Variants in CCDC169 observed in about 807,000 individuals in gnomAD.
CCDC169 encodes the protein coiled-coil domain-containing protein 169.
A neutral mutation model predicts 36.0 loss-of-function variants in CCDC169; 30 were observed. The observed-to-expected ratio is 0.83, with a 90% CI of 0.62 to 1.13. CCDC169 has a LOEUF of 1.13. Among genes scored for constraint, CCDC169 ranks in the 50% most tolerant of loss-of-function variants. CCDC169 has a pLI of 0.00. For missense variants in CCDC169, 245 were observed against 245.9 expected (o/e 1.00, Z 0.03); for synonymous variants, 85 against 81.5 (o/e 1.04, Z -0.23).
chr13:36,287,913 A>G (rs1217989951), intron 2 of CCDC169, among the ~76,000 whole-genome samples: 1 of 152,218 alleles, frequency 6.6e-6, no homozygotes, highest in Non-Finnish European at 1.5e-5. Context: ...CAGAGTCATC[A>G]GCAAATACAT....
At chr13:36,237,148 T>C (rs1871186033) in intron 7 of CCDC169, among the ~76,000 whole-genome samples, 1 of 152,084 alleles carries the variant, frequency 6.6e-6, no homozygotes, top group Admixed American at 6.6e-5. Context: ...TTTGTGGATA[T>C]GGAAGGCTAT....
At chr13:36,266,226 C>T (rs1875287720) in intron 4 of CCDC169, among the ~76,000 whole-genome samples, 1 of 152,114 alleles carries the variant, frequency 6.6e-6, no homozygotes, top group Non-Finnish European at 1.5e-5. Context: ...AGATGCTGAA[C>T]AGCACCATTC....
downstream of CCDC169, chr13:36,227,460 A>G (rs1869962868): frequency 7.3e-7 from 1 of 1,364,892 alleles, no homozygotes; most frequent in South Asian, 2.1e-5. Context: ...TATTCCAACC[A>G]GTTTATTGTA....
At chr13:36,244,000 G>A (rs993156000) in intron 7 of CCDC169, among the ~76,000 whole-genome samples, 9 of 152,116 alleles carry the variant, frequency 5.9e-5, no homozygotes, top group Non-Finnish European at 1.0e-4. Flanking sequence ...TTTCATTTTC[G>A]AAATATTCCC....
chr13:36,279,794 T>A (rs959766487), intron 4 of CCDC169, among the ~76,000 whole-genome samples: 1 of 152,172 alleles, frequency 6.6e-6, no homozygotes, highest in Non-Finnish European at 1.5e-5. Flanking sequence ...AGCAGCAGGG[T>A]TGAATAGCTA....
intron 2 of CCDC169, among the ~76,000 whole-genome samples, chr13:36,294,705 C>T (rs911143827): frequency 2.6e-5 from 4 of 152,002 alleles, no homozygotes; most frequent in African/African-American, 9.7e-5. Flanking sequence ...AATTCCTGTC[C>T]CTCTTAAGGG....
intron 6 of CCDC169, among the ~76,000 whole-genome samples, chr13:36,250,482 G>A (rs189311712): frequency 3.9e-5 from 6 of 152,318 alleles, no homozygotes; most frequent in Admixed American, 2.6e-4. Context: ...GTGTGGCAGA[G>A]TTAGTTAAGA....
chr13:36,253,258 TA>T (rs1160033783), intron 6 of CCDC169, among the ~76,000 whole-genome samples: 2 of 152,200 alleles, frequency 1.3e-5, no homozygotes, highest in African/African-American at 4.8e-5. Flanking sequence ...TTCTAGTGAT[TA>T]GTGGTGAAAC....
At chr13:36,235,647 T>C (rs938145981) in intron 7 of CCDC169, among the ~76,000 whole-genome samples, 9 of 150,418 alleles carry the variant, frequency 6.0e-5, no homozygotes, top group East Asian at 5.9e-4. Context: ...GCAAGAAAAA[T>C]AGATAAAAGG....
At chr13:36,234,827 G>C (rs1164452585) in intron 7 of CCDC169, among the ~76,000 whole-genome samples, 1 of 152,036 alleles carries the variant, frequency 6.6e-6, no homozygotes, top group African/African-American at 2.4e-5. Flanking sequence ...AAAAATAGTA[G>C]AGACTTTTGT....
chr13:36,283,446 T>C lies in CCDC169; in HGVS notation c.315+23A>G, dbSNP rs200464340. 2,252 of 1,539,670 alleles carry C rather than the reference T, an allele frequency of 1.5e-3. 63 individuals are homozygous for C. The South Asian group carries it at 0.025, about 17-fold the overall frequency. On this transcript the variant is annotated intron_variant, in intron 4 of 7. Coordinates refer to ENST00000239859, the MANE Select transcript of CCDC169 (RefSeq NM_001144981.3). ...CATAATTTCCTTCAATTATTCTTTG[T>C]GTTTAATCACATTTCTACTCACCAC...
At chr13:36,254,266 T>C in intron 4 of CCDC169, 123 bp from the exon 5 acceptor site, 1 of 563,954 alleles carries the variant, frequency 1.8e-6, no homozygotes, top group Non-Finnish European at 2.8e-6. Flanking sequence ...CATAATTCTA[T>C]GATATGTACT....
chr13:36,269,188 C>CAT, intron 4 of CCDC169, among the ~76,000 whole-genome samples: 1 of 152,064 alleles, frequency 6.6e-6, no homozygotes, highest in East Asian at 1.9e-4. Flanking sequence ...TGGATAAGTT[C>CAT]TTGGAAACAT....
At chr13:36,281,125 C>T (rs558586952) in intron 4 of CCDC169, 19 of 352,094 alleles carry the variant, frequency 5.4e-5, no homozygotes, top group South Asian at 3.1e-4. Flanking sequence ...GCTGAGAAGG[C>T]GAAGCAGCCA....
At chr13:36,288,831 T>C (rs976538874) in intron 2 of CCDC169, among the ~76,000 whole-genome samples, 1 of 152,106 alleles carries the variant, frequency 6.6e-6, no homozygotes, top group Non-Finnish European at 1.5e-5. Context: ...AATGTATTTA[T>C]AATAAAAAAG....
chr13:36,276,800 C>A (rs1288319837), intron 4 of CCDC169, among the ~76,000 whole-genome samples: 1 of 140,264 alleles, frequency 7.1e-6, no homozygotes, highest in African/African-American at 2.5e-5. Context: ...AGTAACTTAT[C>A]ACAAGCAAGG....
At chr13:36,248,976 A>G (rs1466077860) in intron 6 of CCDC169, among the ~76,000 whole-genome samples, 1 of 152,222 alleles carries the variant, frequency 6.6e-6, no homozygotes. Flanking sequence ...TTCTTGTAGT[A>G]GACACTAAAT....
At chr13:36,250,247 T>A (rs1219234223) in intron 6 of CCDC169, among the ~76,000 whole-genome samples, 1 of 152,122 alleles carries the variant, frequency 6.6e-6, no homozygotes, top group East Asian at 1.9e-4. Context: ...AAGCAGCAGA[T>A]ATATCCAGGA....
intron 4 of CCDC169, chr13:36,280,558 G>A (rs1303559889): frequency 6.6e-6 from 1 of 152,164 alleles, no homozygotes; most frequent in Non-Finnish European, 1.5e-5. Context: ...ATTCAAAACT[G>A]TCCATGCGGT....
Sources: gnomAD v4.1 joint callset for allele counts (sites outside exome capture counted in the v4.1 genomes callset) on GRCh38, gnomAD v4.1.1 for gene constraint, MANE v1.5 for transcripts, NCBI Gene and HGNC (gene_info 2026-07-23, HGNC 2026-07-21) for gene names.